The following MATR3 variants were observed in gnomAD, a reference collection of about 807,000 sequenced individuals.
MATR3 encodes the protein matrin-3.
In MATR3, 4 loss-of-function variants were observed where a neutral mutation model predicts 85.5. The observed-to-expected ratio is 0.05, with a 90% CI of 0.02 to 0.11. MATR3 has a LOEUF of 0.11. Among genes scored for constraint, MATR3 ranks in the 10% least tolerant of loss-of-function variants. The probability of loss-of-function intolerance (pLI) is 1.00; values close to 1 mark genes in which losing one functional copy is unlikely to be tolerated. For missense variants in MATR3, 685 were observed against 1,016.1 expected (o/e 0.67, Z 4.43); for synonymous variants, 336 against 343.1 (o/e 0.98, Z 0.23).
At chr5:139,321,627 A>G (rs1755574658) in intron 9 of MATR3, among the ~76,000 whole-genome samples, 4 of 152,136 alleles carry the variant, frequency 2.6e-5, no homozygotes, top group Admixed American at 2.6e-4. Context: ...TACAAAAAAT[A>G]CAAAAATTAG....
chr5:139,321,514 T>A (rs1209344900), intron 9 of MATR3, among the ~76,000 whole-genome samples: 5 of 152,166 alleles, frequency 3.3e-5, no homozygotes, highest in Admixed American at 3.3e-4. Context: ...CGGGTGTGGT[T>A]GCTGTCACCT....
chr5:139,288,599 A>C (rs1753778661), intron 3 of MATR3, among the ~76,000 whole-genome samples: 1 of 152,144 alleles, frequency 6.6e-6, no homozygotes. Context: ...CCTCCAAAAA[A>C]ATTTTGTCTT....
chr5:139,305,544 G>A (rs1754664003), intron 1 of MATR3, among the ~76,000 whole-genome samples: 1 of 152,160 alleles, frequency 6.6e-6, no homozygotes, highest in South Asian at 2.1e-4. Flanking sequence ...GTAAAAATAT[G>A]TGTGAAAATT....
intron 1 of MATR3, among the ~76,000 whole-genome samples, chr5:139,297,407 G>A (rs1418315607): frequency 6.6e-6 from 1 of 152,174 alleles, no homozygotes; most frequent in African/African-American, 2.4e-5. Context: ...GGGCTCTGAA[G>A]TTCTTGATAA....
At chr5:139,308,844 AG>A (rs1374417303) in intron 2 of MATR3, among the ~76,000 whole-genome samples, 3 of 152,130 alleles carry the variant, frequency 2.0e-5, no homozygotes, top group African/African-American at 7.2e-5. Context: ...ATTTTAGATT[AG>A]TTCATTCTTC....
Position 139,324,046 on chromosome 5 carries a change from T to C in MATR3, c.2148+1079T>C, listed in dbSNP as rs927470887. On this transcript the variant is annotated intron_variant, in intron 12 of 14. Coordinates refer to ENST00000394805, the MANE Select transcript of MATR3 (RefSeq NM_018834.6). ...CTTCATTAATTTTTCTCACTAGAGC[T>C]GATCATTATGTTTACATTTGTAAAT... 2.0e-5 allele frequency among the ~76,000 whole-genome samples: 3 copies of C among 152,378 alleles called. No individual in the cohort carries two copies. In the South Asian group the frequency reaches 6.2e-4, roughly 32 times the overall value.
intron 14 of MATR3, among the ~76,000 whole-genome samples, chr5:139,328,094 C>T (rs1755951485): frequency 1.3e-5 from 2 of 150,370 alleles, no homozygotes; most frequent in African/African-American, 4.9e-5. Context: ...AACTTCTGAC[C>T]TCAGGTGATC....
intron 2 of MATR3, among the ~76,000 whole-genome samples, chr5:139,309,662 C>T (rs1165443984): frequency 6.6e-6 from 1 of 151,966 alleles, no homozygotes; most frequent in East Asian, 1.9e-4. Flanking sequence ...AGAAATACAA[C>T]CCCAGACTCA....
At chr5:139,327,485 G>A (rs1021890958) in intron 14 of MATR3, among the ~76,000 whole-genome samples, 21 of 152,050 alleles carry the variant, frequency 1.4e-4, no homozygotes, top group African/African-American at 4.8e-4. Flanking sequence ...GCAATGGCGC[G>A]ATTTTGGCTC....
At chr5:139,321,760 G>C in intron 9 of MATR3, 138 bp from the exon 10 acceptor site, 1 of 870,456 alleles carries the variant, frequency 1.1e-6, no homozygotes, top group East Asian at 2.7e-5. Flanking sequence ...TCCAGCCTGG[G>C]TGACACAGTG....
Position 139,308,173 on chromosome 5 carries a change from T to C in MATR3, c.758T>C (p.Met253Thr), listed in dbSNP as rs1351661432. The C allele has an allele frequency of 6.2e-7, 1 of 1,614,000 alleles. No individual in the cohort carries two copies. Among genetic ancestry groups the C allele is most frequent in the African/African-American group, 1.3e-5 (1 of 74,908 alleles). The change falls in exon 2 of 15, where the codon ATG becomes ACG. Residue 253 changes from methionine to threonine, a missense_variant. Physicochemically the swap from Met to Thr is moderately conservative, Grantham distance 81. Coordinates refer to ENST00000394805, the MANE Select transcript of MATR3 (RefSeq NM_018834.6). ...YHKFDSEYERMGRGPGPLQER... is the reference protein window; with the variant it reads ...YHKFDSEYERTGRGPGPLQER... ...AAATTTGACAGTGAGTATGAGAGAA[T>C]GGGACGTGGTCCTGGCCCCTTACAA...
At chr5:139,291,700 G>T (rs1191011112), upstream of MATR3, among the ~76,000 whole-genome samples, 3 of 152,000 alleles carry the variant, frequency 2.0e-5, no homozygotes, top group African/African-American at 7.2e-5. Flanking sequence ...CACCATGCCC[G>T]GTTAATTTTT....
At chr5:139,313,929 G>GTT (rs1454276606) in intron 2 of MATR3, 1 of 152,234 alleles carries the variant, frequency 6.6e-6, no homozygotes, top group Non-Finnish European at 1.5e-5. Flanking sequence ...GTTTTGTTTT[G>GTT]TTTTGTTTTG....
In MATR3 at chr5:139,315,917, C is replaced by A. The variant is rs1313294325; in HGVS notation, c.1017-159C>A. On this transcript the variant is annotated intron_variant, in intron 4 of 14. Transcript: ENST00000394805. The stretch of plus-strand genomic sequence containing the variant: ...TATATATTATGTAGTAATTTGTATT[C>A]TTTTATTGTTAATGTAGACTTTGAC... 6.6e-6 allele frequency: 5 copies of A among 758,024 alleles called. No homozygotes were observed. The East Asian group carries it at 1.1e-4, about 16-fold the overall frequency. The allele number at this position is 758,024 out of a possible 1,614,324, so 47.0% of individuals were successfully genotyped here. A position where few individuals can be genotyped will look rare whatever the true frequency, so the allele number is the denominator to read the frequency against.
chr5:139,325,789 A>G (rs768191432), intron 13 of MATR3, 127 bp downstream of exon 13: 65 of 784,082 alleles, frequency 8.3e-5, no homozygotes, highest in Middle Eastern at 2.3e-4. Context: ...CTTTGTTTCT[A>G]TGGGGAACAA....
At chr5:139,311,798 C>G (rs1044999685) in intron 2 of MATR3, 1 of 102,886 alleles carries the variant, frequency 9.7e-6, no homozygotes, top group Non-Finnish European at 1.8e-5. Flanking sequence ...GAAGGTTTCT[C>G]GCTCTGTGTC....
At chr5:139,288,652 T>G (rs1395712993) in intron 3 of MATR3, among the ~76,000 whole-genome samples, 2 of 152,176 alleles carry the variant, frequency 1.3e-5, no homozygotes, top group Admixed American at 1.3e-4. Context: ...CATCTCTTTT[T>G]TTTTTTGAGA....
chr5:139,320,051 G>A (rs1755474179), intron 9 of MATR3, among the ~76,000 whole-genome samples: 1 of 150,124 alleles, frequency 6.7e-6, no homozygotes, highest in Non-Finnish European at 1.5e-5. Flanking sequence ...GCTCACGCCT[G>A]TAATCCCAGC....
In MATR3 at chr5:139,322,476, G is replaced by A; in HGVS notation, c.1748G>A (p.Gly583Asp). The part of the protein sequence containing the change: ...KKLVLRIPNR[G>D]IDLLKKDKSR... ...TTTGTCTTTTAGATTCCAAACAGAGGCATTGATTTACTGAAAAAAGATAAA... is the reference window on the plus strand; with the variant it reads ...TTTGTCTTTTAGATTCCAAACAGAGACATTGATTTACTGAAAAAAGATAAA... The change falls in exon 11 of 15, where the codon GGC (glycine) becomes GAC (aspartate). Residue 583 changes from glycine to aspartate, a missense_variant. Transcript: ENST00000394805. 2 of 1,613,932 alleles carry A rather than the reference G, an allele frequency of 1.2e-6. No homozygotes were observed. The highest frequency in any genetic ancestry group is 1.7e-6 in the Non-Finnish European group (2 of 1,179,914).
Sources: allele counts gnomAD v4.1 joint callset (sites outside exome capture counted in the v4.1 genomes callset), GRCh38; gene constraint gnomAD v4.1.1; transcripts MANE v1.5; gene names NCBI Gene and HGNC (gene_info 2026-07-23, HGNC 2026-07-21).